The following ARHGEF28 variants were observed in gnomAD, a reference collection of about 807,000 sequenced individuals.
ARHGEF28 encodes 190 kDa guanine nucleotide exchange factor.
In ARHGEF28, 152 loss-of-function variants were observed where a neutral mutation model predicts 206.6. The ratio of observed to expected loss-of-function variants is 0.74; its 90% CI spans 0.64 to 0.84. ARHGEF28 has a LOEUF of 0.84. Ranked by LOEUF, ARHGEF28 falls within the 40% of genes least tolerant of loss-of-function variation. ARHGEF28 has a pLI of 0.00. For missense variants in ARHGEF28, 2,028 were observed against 2,073.2 expected (o/e 0.98, Z 0.42); for synonymous variants, 763 against 776.4 (o/e 0.98, Z 0.29).
At chr5:73,664,046 A>G (rs988625742) in intron 1 of ARHGEF28, among the ~76,000 whole-genome samples, 1 of 152,198 alleles carries the variant, frequency 6.6e-6, no homozygotes, top group East Asian at 1.9e-4. Context: ...TTCCCAGTGC[A>G]GGCTTTTCTG....
intron 4 of ARHGEF28, among the ~76,000 whole-genome samples, chr5:73,760,179 G>T (rs960059273): frequency 6.6e-6 from 1 of 152,128 alleles, no homozygotes; most frequent in Non-Finnish European, 1.5e-5. Context: ...TGTCAGCTTT[G>T]TTACTCTGCC....
In ARHGEF28 at chr5:73,885,863, A is replaced by ACAT; in HGVS notation, c.3070_3072dup (p.His1024dup). ...TTTCCCACGCAGAAAGAACTGAGGA[A>ACAT]CATAAAGACTTACGCAAAGCGCTTT... On this transcript the variant is annotated inframe_insertion, in exon 25 of 36. Coordinates refer to ENST00000513042, the MANE Select transcript of ARHGEF28 (RefSeq NM_001177693.2). 1 of 1,609,930 alleles carries ACAT rather than the reference A, an allele frequency of 6.2e-7. No homozygotes were observed. The highest frequency in any genetic ancestry group is 1.7e-5 in the Admixed American group (1 of 59,258).
intron 10 of ARHGEF28, among the ~76,000 whole-genome samples, chr5:73,839,702 T>C (rs968734225): frequency 1.3e-5 from 2 of 152,224 alleles, no homozygotes; most frequent in African/African-American, 4.8e-5. Context: ...CAGAGTCTTA[T>C]AGCAGGAGCA....
At chr5:73,632,113 C>T (rs1561297435) in intron 1 of ARHGEF28, among the ~76,000 whole-genome samples, 1 of 152,144 alleles carries the variant, frequency 6.6e-6, no homozygotes, top group Non-Finnish European at 1.5e-5. Context: ...TGCTAACTGT[C>T]GTCTCAAGTC....
intron 35 of ARHGEF28, among the ~76,000 whole-genome samples, chr5:73,927,506 T>C (rs1763887355): frequency 6.6e-6 from 1 of 152,202 alleles, no homozygotes; most frequent in Non-Finnish European, 1.5e-5. Flanking sequence ...TAGGGAAAGA[T>C]GGCTCCAAGG....
intron 1 of ARHGEF28, among the ~76,000 whole-genome samples, chr5:73,645,300 A>G (rs1489256441): frequency 6.6e-6 from 1 of 152,120 alleles, no homozygotes; most frequent in Admixed American, 6.6e-5. Context: ...GCAGACGTGT[A>G]CTGTATCTGG....
At chr5:73,670,107 C>G (rs1437367708) in intron 1 of ARHGEF28, among the ~76,000 whole-genome samples, 1 of 152,212 alleles carries the variant, frequency 6.6e-6, no homozygotes, top group Non-Finnish European at 1.5e-5. Flanking sequence ...CACAAGGATC[C>G]CTCCTGTTAC....
chr5:73,794,198 C>G (rs889267946), intron 7 of ARHGEF28, among the ~76,000 whole-genome samples: 1 of 152,112 alleles, frequency 6.6e-6, no homozygotes, highest in Non-Finnish European at 1.5e-5. Context: ...CCATCTTAGT[C>G]CACACAGATA....
intron 35 of ARHGEF28, among the ~76,000 whole-genome samples, chr5:73,913,214 C>T (rs1763003236): frequency 6.6e-6 from 1 of 152,152 alleles, no homozygotes; most frequent in African/African-American, 2.4e-5. Flanking sequence ...AGGACATTGA[C>T]AGGAGAGAAG....
At chr5:73,677,903 C>T (rs1746806281) in intron 1 of ARHGEF28, among the ~76,000 whole-genome samples, 1 of 152,174 alleles carries the variant, frequency 6.6e-6, no homozygotes, top group African/African-American at 2.4e-5. Flanking sequence ...AGATGAAGAA[C>T]TCAAACTTTC....
chr5:73,690,551 A>G (rs1279200570), intron 2 of ARHGEF28, among the ~76,000 whole-genome samples: 3 of 148,926 alleles, frequency 2.0e-5, no homozygotes, highest in Non-Finnish European at 4.4e-5. Flanking sequence ...AAAAAAAAAA[A>G]GCCACGTGTG....
In ARHGEF28 at chr5:73,916,399, C is replaced by A. The variant is rs6886094; in HGVS notation, c.4948+4824C>A. 3.1e-3 allele frequency among the ~76,000 whole-genome samples: 472 copies of A among 152,254 alleles called. 2 individuals carry two copies. Among genetic ancestry groups the A allele is most frequent in the African/African-American group, 0.011 (454 of 41,554 alleles). On this transcript the variant is annotated intron_variant, in intron 35 of 35. Coordinates refer to ENST00000513042, the MANE Select transcript of ARHGEF28 (RefSeq NM_001177693.2). Reference sequence around the variant, plus strand: ...TGACTAGGGCTGCCATAACAAAGTACCACAGGCTAGGGGGCTTAGACAACA... The same window carrying A: ...TGACTAGGGCTGCCATAACAAAGTAACACAGGCTAGGGGGCTTAGACAACA...
At chr5:73,861,077 G>A (rs946105483) in intron 16 of ARHGEF28, among the ~76,000 whole-genome samples, 4 of 152,058 alleles carry the variant, frequency 2.6e-5, no homozygotes, top group African/African-American at 9.7e-5. Context: ...ATTTAAAATT[G>A]GATTATTTAC....
chr5:73,875,040 G>A (rs1023543020), intron 22 of ARHGEF28, among the ~76,000 whole-genome samples: 1 of 151,212 alleles, frequency 6.6e-6, no homozygotes, highest in Non-Finnish European at 1.5e-5. Flanking sequence ...CACCAACAGT[G>A]TAAAAGTGTT....
In ARHGEF28 at chr5:73,909,780, C is replaced by T; in HGVS notation, c.4530C>T (p.Gly1510=). Residue 1510 remains glycine, a synonymous_variant, in exon 34 of 36, where the codon GGC becomes GGT. Coordinates refer to ENST00000513042, the MANE Select transcript of ARHGEF28 (RefSeq NM_001177693.2). ...YQHSLERLRE[G]QRLVEREQAR... ...ACAGCCTGGAGCGGCTGAGGGAGGGCCAGCGCCTGGTGGAGAGGGAGCAGG... is the reference window on the plus strand; with the variant it reads ...ACAGCCTGGAGCGGCTGAGGGAGGGTCAGCGCCTGGTGGAGAGGGAGCAGG... 1 of 1,516,094 alleles carries T rather than the reference C, an allele frequency of 6.6e-7. No homozygotes were observed. The highest frequency in any genetic ancestry group is 8.8e-7 in the Non-Finnish European group (1 of 1,136,082). The allele number at this position is 1,516,094 out of a possible 1,614,324, so 93.9% of individuals were successfully genotyped here.
chr5:73,892,679 G>A (rs144598222), intron 27 of ARHGEF28, among the ~76,000 whole-genome samples: 1 of 152,294 alleles, frequency 6.6e-6, no homozygotes, highest in African/African-American at 2.4e-5. Flanking sequence ...TGTGTGCCTA[G>A]TGCTGAGAAA....
At chr5:73,664,059 G>T (rs1347725351) in intron 1 of ARHGEF28, among the ~76,000 whole-genome samples, 1 of 152,110 alleles carries the variant, frequency 6.6e-6, no homozygotes, top group African/African-American at 2.4e-5. Flanking sequence ...CTTTTCTGAT[G>T]ACTTCAGCCA....
chr5:73,839,458 A>C (rs4703614), intron 10 of ARHGEF28, among the ~76,000 whole-genome samples: 118,476 of 152,124 alleles, frequency 0.78, 46,556 homozygotes, highest in East Asian at 0.93. Context: ...TACTGTCTTC[A>C]TTTTTACTGT....
intron 1 of ARHGEF28, among the ~76,000 whole-genome samples, chr5:73,674,037 G>A (rs890864398): frequency 5.3e-5 from 8 of 151,434 alleles, no homozygotes; most frequent in Admixed American, 2.0e-4. Context: ...TGGGTGTGGT[G>A]GTATGCTCCT....
Sources: gnomAD v4.1 joint callset for allele counts (sites outside exome capture counted in the v4.1 genomes callset) on GRCh38, gnomAD v4.1.1 for gene constraint, MANE v1.5 for transcripts, NCBI Gene and HGNC (gene_info 2026-07-23, HGNC 2026-07-21) for gene names.